PATJ: variants seen among roughly 807,000 people sequenced by gnomAD.
PATJ encodes the protein PATJ crumbs cell polarity complex component, also known as inaD-like protein.
A neutral mutation model predicts 224.9 loss-of-function variants in PATJ; 190 were observed. The observed-to-expected ratio is 0.84, with a 90% CI of 0.75 to 0.95. The LOEUF is 0.95. Among genes scored for constraint, PATJ ranks in the 40% least tolerant of loss-of-function variants. The pLI is 0.00. For synonymous variants in PATJ, 769 were observed against 820.3 expected (o/e 0.94, Z 1.07); for missense variants, 2,121 against 2,270.3 (o/e 0.93, Z 1.34).
intron 18 of PATJ, 99 bp from the exon 19 acceptor site, chr1:61,861,452 C>A: frequency 5.0e-6 from 3 of 599,698 alleles, no homozygotes. Flanking sequence ...GGTTTTAAGC[C>A]CCGTGTGCAT....
At chr1:61,997,443 A>G (rs1232666953) in intron 28 of PATJ, among the ~76,000 whole-genome samples, 2 of 152,194 alleles carry the variant, frequency 1.3e-5, no homozygotes, top group Non-Finnish European at 2.9e-5. Context: ...CTTGCTAATC[A>G]TGTTCCTTAA....
chr1:62,015,610 G>A (rs911023173), intron 28 of PATJ, among the ~76,000 whole-genome samples: 15 of 151,912 alleles, frequency 9.9e-5, no homozygotes, highest in African/African-American at 3.4e-4. Context: ...TCGGCTTGCT[G>A]TAACCTCTGC....
intron 37 of PATJ, among the ~76,000 whole-genome samples, chr1:62,118,829 A>G (rs1269189221): frequency 6.6e-6 from 1 of 151,814 alleles, no homozygotes; most frequent in Admixed American, 6.6e-5. Context: ...GGGGTTTCAA[A>G]ACATCTTGGT....
At chr1:62,033,274 G>A (rs1649672813) in intron 29 of PATJ, among the ~76,000 whole-genome samples, 3 of 152,266 alleles carry the variant, frequency 2.0e-5, no homozygotes, top group East Asian at 1.9e-4. Context: ...TCAAAGCTAT[G>A]TAGTTGAGTT....
intron 33 of PATJ, among the ~76,000 whole-genome samples, chr1:62,107,744 A>C: frequency 6.6e-6 from 1 of 152,222 alleles, no homozygotes; most frequent in Admixed American, 6.5e-5. Context: ...TTTTAAGGTT[A>C]TGAATCTGAA....
chr1:62,058,628 T>C (rs1000737178), intron 31 of PATJ, among the ~76,000 whole-genome samples: 4 of 152,190 alleles, frequency 2.6e-5, no homozygotes, highest in South Asian at 4.1e-4. Context: ...ATTTTGTATG[T>C]GAAATTTCTG....
chr1:62,053,756 C>T (rs1255799893), intron 31 of PATJ, among the ~76,000 whole-genome samples: 1 of 151,844 alleles, frequency 6.6e-6, no homozygotes, highest in Non-Finnish European at 1.5e-5. Context: ...CACTTGACCT[C>T]ACCAAACCTC....
intron 31 of PATJ, chr1:62,072,402 C>A (rs558263686): frequency 1.3e-5 from 2 of 151,638 alleles, no homozygotes; most frequent in African/African-American, 4.8e-5. Context: ...ATTAGTGTAA[C>A]GAAAAAGAAA....
At chr1:61,962,207 T>G (rs1162392364) in intron 27 of PATJ, among the ~76,000 whole-genome samples, 2 of 152,314 alleles carry the variant, frequency 1.3e-5, no homozygotes, top group South Asian at 2.1e-4. Flanking sequence ...TTCATTATAT[T>G]TATAGCCTCA....
chr1:62,078,243 G>A (rs1024969321), intron 31 of PATJ, among the ~76,000 whole-genome samples: 4 of 152,160 alleles, frequency 2.6e-5, no homozygotes, highest in Non-Finnish European at 5.9e-5. Flanking sequence ...TGTTAAATAA[G>A]CAAGGAGTCC....
At chr1:61,886,567 C>G (rs1177438583) in intron 22 of PATJ, among the ~76,000 whole-genome samples, 1 of 151,982 alleles carries the variant, frequency 6.6e-6, no homozygotes, top group Non-Finnish European at 1.5e-5. Flanking sequence ...TGCCTGTAAT[C>G]CCAGCACTTT....
intron 8 of PATJ, among the ~76,000 whole-genome samples, chr1:61,788,288 G>GTAAAAACTGTAAA (rs1194812689): frequency 2.6e-5 from 4 of 152,102 alleles, no homozygotes; most frequent in African/African-American, 9.7e-5. Context: ...GTAAACACTG[G>GTAAAAACTGTAAA]CCGATGTGTG....
intron 26 of PATJ, among the ~76,000 whole-genome samples, chr1:61,915,000 T>G (rs1376820966): frequency 6.6e-6 from 1 of 152,172 alleles, no homozygotes; most frequent in Admixed American, 6.5e-5. Flanking sequence ...TGGAAGTCCA[T>G]TTCCCACATT....
chr1:61,836,990 A>AATTT (rs1249544462), intron 17 of PATJ, among the ~76,000 whole-genome samples: 1 of 152,198 alleles, frequency 6.6e-6, no homozygotes, highest in Non-Finnish European at 1.5e-5. Context: ...AGAGATTGAA[A>AATTT]ATTTACTTTG....
At chr1:61,894,455 G>A (rs527724758) in intron 22 of PATJ, among the ~76,000 whole-genome samples, 15 of 152,234 alleles carry the variant, frequency 9.9e-5, no homozygotes, top group Admixed American at 5.9e-4. Flanking sequence ...TGATTGGATC[G>A]TGGGGGCGGT....
chr1:61,908,348 A>C, intron 24 of PATJ, 24 bp from the exon 25 acceptor site: 1 of 1,496,748 alleles, frequency 6.7e-7, no homozygotes, highest in Non-Finnish European at 9.3e-7. Context: ...GTTCTAATTG[A>C]AATAACTTGC....
At chr1:61,951,644 A>G (rs1381735097) in intron 27 of PATJ, among the ~76,000 whole-genome samples, 1 of 151,082 alleles carries the variant, frequency 6.6e-6, no homozygotes, top group African/African-American at 2.4e-5. Flanking sequence ...TTTTTTTTTT[A>G]TATTTTTCCC....
chr1:61,942,739 C>T (rs537331872), intron 27 of PATJ, among the ~76,000 whole-genome samples: 15 of 151,956 alleles, frequency 9.9e-5, no homozygotes, highest in African/African-American at 3.6e-4. Context: ...TTAGTAGAGA[C>T]GGGGTTTCAC....
intron 14 of PATJ, among the ~76,000 whole-genome samples, chr1:61,819,759 T>C (rs981443152): frequency 3.6e-4 from 55 of 152,134 alleles, no homozygotes; most frequent in African/African-American, 1.2e-3. Context: ...CAGTAGCGCT[T>C]CAATGCTGCA....
Sources: allele counts gnomAD v4.1 joint callset (sites outside exome capture counted in the v4.1 genomes callset), GRCh38; gene constraint gnomAD v4.1.1; transcripts MANE v1.5; gene names NCBI Gene and HGNC (gene_info 2026-07-23, HGNC 2026-07-21).